Variants in PRDM16 observed in about 807,000 individuals in gnomAD.
PRDM16 encodes histone-lysine N-methyltransferase PRDM16.
Under a neutral mutation model 110.6 loss-of-function variants are expected in PRDM16, and 23 were observed. That is an observed-to-expected ratio of 0.21 (90% CI 0.15 to 0.29). The LOEUF (loss-of-function observed/expected upper bound fraction) is 0.29. Among genes scored for constraint, PRDM16 ranks in the 10% least tolerant of loss-of-function variants. PRDM16 has a pLI of 1.00. For synonymous variants in PRDM16, 799 were observed against 781.8 expected (o/e 1.02, Z -0.37); for missense variants, 1,615 against 1,794.3 (o/e 0.90, Z 1.81).
rs146176368 is a variant in PRDM16 at position 3,198,147 on chromosome 1, G to A, written c.387+11673G>A. On this transcript the variant is annotated intron_variant, in intron 2 of 16. Coordinates refer to ENST00000270722, the MANE Select transcript of PRDM16 (RefSeq NM_022114.4). ...TCCTGCACGCGGGTAGAATCTGCTC[G>A]GGTCAGGGGCGGGCACTCCATGCGT... 3.3e-3 allele frequency among the ~76,000 whole-genome samples: 499 copies of A among 152,306 alleles called. 5 individuals are homozygous for A. Among genetic ancestry groups the A allele is most frequent in the Non-Finnish European group, 1.1e-3 (76 of 68,026 alleles).
intron 2 of PRDM16, among the ~76,000 whole-genome samples, chr1:3,192,472 G>A (rs1638336914): frequency 6.6e-6 from 1 of 152,152 alleles, no homozygotes; most frequent in African/African-American, 2.4e-5. Context: ...TGTTCCAATT[G>A]GGCAATCTCT....
At position 3,107,705 on chromosome 1, in the gene PRDM16, G is replaced by A. The variant is rs533012603; in HGVS notation, c.37+38409G>A. ...GTCCTCCTCACTGGACCAGTGACTC[G>A]AAACCACCTTTCCTTGTAAGAGACA... On this transcript the variant is annotated intron_variant, in intron 1 of 16. Transcript: ENST00000270722. 1.6e-4 allele frequency among the ~76,000 whole-genome samples: 24 copies of A among 152,260 alleles called. No homozygotes were observed. In the South Asian group the frequency reaches 3.1e-3, roughly 20 times the overall value.
chr1:3,108,911 AAAAAATAC>A (rs1331472359), intron 1 of PRDM16, among the ~76,000 whole-genome samples: 1 of 151,826 alleles, frequency 6.6e-6, no homozygotes, highest in Non-Finnish European at 1.5e-5. Context: ...ACTAAAAAAA[AAAAAATAC>A]AAAAATACAA....
At chr1:3,120,392 C>T (rs533353359) in intron 1 of PRDM16, among the ~76,000 whole-genome samples, 5 of 152,178 alleles carry the variant, frequency 3.3e-5, no homozygotes, top group Non-Finnish European at 7.4e-5. Context: ...GCCCAAGGCC[C>T]GGTGACAAAC....
intron 3 of PRDM16, among the ~76,000 whole-genome samples, chr1:3,268,460 A>C (rs974431589): frequency 6.6e-6 from 1 of 152,198 alleles, no homozygotes; most frequent in African/African-American, 2.4e-5. Flanking sequence ...CGGGATGGCC[A>C]GGCTGGTGCA....
In PRDM16 at chr1:3,425,191, C is replaced by T; in HGVS notation, c.2940-390C>T. On this transcript the variant is annotated intron_variant, in intron 12 of 16. Coordinates refer to ENST00000270722, the MANE Select transcript of PRDM16 (RefSeq NM_022114.4). The surrounding 1 kb of genome is among the most constrained non-coding windows in gnomAD (Gnocchi z 6.9). ...CTCCCGGGTTCACGCCATTCTCCTGCCTCAGCCTCCAGAGTAGCTGGGACT... is the reference window on the plus strand; with the variant it reads ...CTCCCGGGTTCACGCCATTCTCCTGTCTCAGCCTCCAGAGTAGCTGGGACT... 1 of 161,736 alleles carries T rather than the reference C, an allele frequency of 6.2e-6. No homozygotes were observed. Among genetic ancestry groups the T allele is most frequent in the South Asian group, 1.7e-4 (1 of 5,874 alleles). 10.0% of individuals were successfully genotyped at this position (161,736 alleles called of 1,614,324 possible). A position where few individuals can be genotyped will look rare whatever the true frequency, so the allele number is the denominator to read the frequency against.
intron 9 of PRDM16, among the ~76,000 whole-genome samples, chr1:3,414,049 C>T (rs77239671): frequency 0.012 from 1,903 of 152,264 alleles, 39 homozygotes; most frequent in African/African-American, 0.044. Context: ...TGCCAGGGGC[C>T]GGGTCAGAGA....
rs549752759 is a variant in PRDM16, at chr1:3,277,618, A to C, written c.438+33481A>C. Among the ~76,000 whole-genome samples, 6 of 152,318 alleles carry C rather than the reference A, an allele frequency of 3.9e-5. No individual in the cohort carries two copies. In the South Asian group the frequency reaches 1.2e-3, roughly 32 times the overall value. ...GTTGTCCAGGGACAGGGTCAGTGAA[A>C]ATGTCTCAAAGGTCGGGGACTGGGC... is the stretch of plus-strand genomic sequence containing the variant. On this transcript the variant is annotated intron_variant, in intron 3 of 16. Transcript: ENST00000270722.
chr1:3,121,504 C>T (rs894844688), intron 1 of PRDM16, among the ~76,000 whole-genome samples: 2 of 152,224 alleles, frequency 1.3e-5, no homozygotes, highest in Non-Finnish European at 2.9e-5. Context: ...TGGAGCAAAC[C>T]GTTTCTGTGG....
At chr1:3,189,925 G>C (rs1638256764) in intron 2 of PRDM16, among the ~76,000 whole-genome samples, 1 of 152,236 alleles carries the variant, frequency 6.6e-6, no homozygotes, top group Non-Finnish European at 1.5e-5. Flanking sequence ...TTTCTACTCT[G>C]AGAACAAAGT....
intron 1 of PRDM16, among the ~76,000 whole-genome samples, chr1:3,181,175 C>A (rs1644162825): frequency 2.0e-5 from 3 of 151,526 alleles, no homozygotes; most frequent in Non-Finnish European, 4.4e-5. Context: ...GTCTTACGGT[C>A]TTACACACGC....
chr1:3,079,294 G>T (rs1003884876), intron 1 of PRDM16, among the ~76,000 whole-genome samples: 1 of 152,124 alleles, frequency 6.6e-6, no homozygotes, highest in East Asian at 1.9e-4. Context: ...CATCAGAGGG[G>T]CTACTGTCAT....
intron 5 of PRDM16, among the ~76,000 whole-genome samples, chr1:3,401,404 C>T (rs1643465482): frequency 6.6e-6 from 1 of 152,218 alleles, no homozygotes; most frequent in Non-Finnish European, 1.5e-5. Flanking sequence ...GGCACTGGGT[C>T]AGTCCTCGTG....
chr1:3,349,211 A>G (rs1642426851), intron 3 of PRDM16, among the ~76,000 whole-genome samples: 1 of 152,124 alleles, frequency 6.6e-6, no homozygotes, highest in African/African-American at 2.4e-5. Context: ...TGGGCGCAGC[A>G]TTCCTGGGCC....
At position 3,436,278 on chromosome 1, in the gene PRDM16, G is replaced by C. The variant is rs1366167021; in HGVS notation, c.*2467G>C. ...ATGGAGCCCTCAGCGTGTCTTTTCA[G>C]CAGGAGCAGAACCGATGAGAGCCGC... On this transcript the variant is annotated 3_prime_UTR_variant, in exon 17 of 17. Coordinates refer to ENST00000270722, the MANE Select transcript of PRDM16 (RefSeq NM_022114.4). The C allele has an allele frequency of 4.3e-6, 1 of 229,926 alleles. No individual in the cohort carries two copies. The highest frequency in any genetic ancestry group is 8.6e-6 in the Non-Finnish European group (1 of 116,182). The allele number at this position is 229,926 out of a possible 1,614,324, so 14.2% of individuals were successfully genotyped here. A position where few individuals can be genotyped will look rare whatever the true frequency, so the allele number is the denominator to read the frequency against.
rs72849082 is a variant in PRDM16 at position 3,325,252 on chromosome 1, G to C, written c.439-59900G>C. Among the ~76,000 whole-genome samples the C allele has an allele frequency of 4.5e-3, 693 of 152,326 alleles. 1 individual carries two copies. Among genetic ancestry groups the C allele is most frequent in the African/African-American group, 0.015 (636 of 41,574 alleles). ...GCAGCCTGCCAGGGAGGAGTGACTT[G>C]GGTAAGCTGCTCAGCTGGGGTAGGT... On this transcript the variant is annotated intron_variant, in intron 3 of 16. Transcript: ENST00000270722.
At chr1:3,166,448 C>G (rs934267182) in intron 1 of PRDM16, among the ~76,000 whole-genome samples, 1 of 152,264 alleles carries the variant, frequency 6.6e-6, no homozygotes, top group African/African-American at 2.4e-5. Context: ...GCGAGGCTCA[C>G]ACGTGCTGCC....
chr1:3,401,740 A>G (rs904980841), intron 5 of PRDM16, among the ~76,000 whole-genome samples: 7 of 152,208 alleles, frequency 4.6e-5, no homozygotes, highest in Non-Finnish European at 8.8e-5. Context: ...ACATAACACA[A>G]ATGCACACAC....
At chr1:3,366,126 G>T (rs2100568870) in intron 3 of PRDM16, among the ~76,000 whole-genome samples, 1 of 152,392 alleles carries the variant, frequency 6.6e-6, no homozygotes, top group South Asian at 2.1e-4. Flanking sequence ...TTGACCTGTG[G>T]CTCAGGGGGG....
Sources: gnomAD v4.1 joint callset for allele counts (sites outside exome capture counted in the v4.1 genomes callset) on GRCh38, gnomAD v4.1.1 for gene constraint, Gnocchi (gnomAD v3.1) non-coding constraint, MANE v1.5 for transcripts, NCBI Gene and HGNC (gene_info 2026-07-23, HGNC 2026-07-21) for gene names.